Variants in CDH8 observed in about 807,000 individuals in gnomAD.
The protein encoded by CDH8 is cadherin 8, also known as cadherin-8.
Under a neutral mutation model 68.1 loss-of-function variants are expected in CDH8, and 17 were observed. The observed-to-expected ratio is 0.25, with a 90% CI of 0.17 to 0.37. The LOEUF (loss-of-function observed/expected upper bound fraction) is 0.37. CDH8 is among the 10% of genes least tolerant of loss of function. The probability of loss-of-function intolerance (pLI) is 1.00; values close to 1 mark genes in which losing one functional copy is unlikely to be tolerated. For synonymous variants in CDH8, 372 were observed against 365.1 expected, an observed-to-expected ratio of 1.02 and a Z score of -0.21; for missense variants, 763 against 999.3, an observed-to-expected ratio of 0.76 and a Z score of 3.19.
At chr16:61,834,835 C>T (rs1407255638) in intron 4 of CDH8, among the ~76,000 whole-genome samples, 1 of 151,858 alleles carries the variant, frequency 6.6e-6, no homozygotes, top group Non-Finnish European at 1.5e-5. Context: ...AATATATTAT[C>T]ACATGAATAT....
chr16:61,707,213 A>T (rs1310095000), intron 10 of CDH8, among the ~76,000 whole-genome samples: 1 of 152,196 alleles, frequency 6.6e-6, no homozygotes, highest in Non-Finnish European at 1.5e-5. Context: ...CAAGAGGTTC[A>T]TTAAATTTTA....
intron 8 of CDH8, among the ~76,000 whole-genome samples, chr16:61,778,257 T>G (rs758306986): frequency 2.6e-5 from 4 of 152,126 alleles, no homozygotes; most frequent in Admixed American, 6.6e-5. Context: ...TCGCTCTATG[T>G]CATAGGCAAT....
intron 5 of CDH8, among the ~76,000 whole-genome samples, 186 bp downstream of exon 5, chr16:61,824,826 T>C (rs1962292778): frequency 6.6e-6 from 1 of 151,952 alleles, no homozygotes; most frequent in African/African-American, 2.4e-5. Context: ...TATTTGGAAA[T>C]GGTATCAACT....
intron 8 of CDH8, among the ~76,000 whole-genome samples, chr16:61,729,470 T>C (rs1357907455): frequency 6.6e-6 from 1 of 151,268 alleles, no homozygotes; most frequent in East Asian, 1.9e-4. Flanking sequence ...AGAATTGCAC[T>C]CGTAATCTGC....
At chr16:61,862,755 A>G (rs984449827) in intron 3 of CDH8, among the ~76,000 whole-genome samples, 16 of 152,304 alleles carry the variant, frequency 1.1e-4, no homozygotes, top group African/African-American at 2.9e-4. Context: ...CTCCATGGAT[A>G]TGCATACAGA....
intron 10 of CDH8, among the ~76,000 whole-genome samples, chr16:61,679,977 G>T (rs1336753771): frequency 6.6e-6 from 1 of 151,948 alleles, no homozygotes; most frequent in Non-Finnish European, 1.5e-5. Flanking sequence ...TGAATTTTGT[G>T]TTCTGTGAAT....
chr16:61,664,395 A>G (rs1239941110), intron 10 of CDH8, among the ~76,000 whole-genome samples: 2 of 152,040 alleles, frequency 1.3e-5, no homozygotes, highest in South Asian at 2.1e-4. Context: ...CCAATTGCAG[A>G]TGCATAATGA....
chr16:61,930,895 T>C (rs890104114), intron 2 of CDH8, among the ~76,000 whole-genome samples: 1 of 152,336 alleles, frequency 6.6e-6, no homozygotes, highest in Admixed American at 6.5e-5. Context: ...CGTGTTATTC[T>C]TCAATGTGTA....
At chr16:61,840,150 TG>T (rs1962651786) in intron 4 of CDH8, among the ~76,000 whole-genome samples, 1 of 152,164 alleles carries the variant, frequency 6.6e-6, no homozygotes, top group Non-Finnish European at 1.5e-5. Flanking sequence ...CATCTTTCCA[TG>T]TTGCAACAGA....
At chr16:61,655,370 G>T in intron 11 of CDH8, 100 bp downstream of exon 11, 1 of 1,174,902 alleles carries the variant, frequency 8.5e-7, no homozygotes, top group Non-Finnish European at 1.2e-6. Context: ...TTCCCCAACG[G>T]AATGCTCTTG....
chr16:61,737,951 T>G (rs1174599559), intron 8 of CDH8, among the ~76,000 whole-genome samples: 1 of 152,168 alleles, frequency 6.6e-6, no homozygotes, highest in Non-Finnish European at 1.5e-5. Context: ...AGTAGTCACT[T>G]TATTTCACTC....
Position 61,650,208 on chromosome 16 carries a change from C to G in CDH8, c.*3400G>C, listed in dbSNP as rs1265780597. 1 of 152,002 alleles carries G rather than the reference C, an allele frequency of 6.6e-6. No individual in the cohort carries two copies. The highest frequency in any genetic ancestry group is 1.5e-5 in the Non-Finnish European group (1 of 67,984). The allele number at this position is 152,002 out of a possible 1,614,324, so 9.4% of individuals were successfully genotyped here. On this transcript the variant is annotated 3_prime_UTR_variant, in exon 12 of 12. Transcript: ENST00000577390. ...TAAAAATATTGTTAAGAAATGCCCC[C>G]CTTAATACTCTTTAATATTCATATA...
Position 61,789,449 on chromosome 16 carries a change from C to T in CDH8, c.1311G>A (p.Arg437=), listed in dbSNP as rs749684695. The T allele has an allele frequency of 1.5e-5, 25 of 1,612,912 alleles. 1 individual carries two copies. The South Asian group carries it at 2.5e-4, about 16-fold the overall frequency. Residue 437 remains arginine (R), a synonymous_variant, in exon 8 of 12, where the codon AGG becomes AGA. Coordinates refer to ENST00000577390, the MANE Select transcript of CDH8 (RefSeq NM_001796.5). Reference sequence around the variant, plus strand: ...CATCGTCTGCATTAATGTTGAACTGCCTCTCCAGGTCAGTGTGCCGGTCGA... The same window carrying T: ...CATCGTCTGCATTAATGTTGAACTGTCTCTCCAGGTCAGTGTGCCGGTCGA... ...FSIDRHTDLE[R]QFNINADDGK...
In CDH8 at chr16:61,728,252, A is replaced by ATT. The variant is rs5817307; in HGVS notation, c.1415-1039_1415-1038dup. On this transcript the variant is annotated intron_variant, in intron 8 of 11. Transcript: ENST00000577390. ...TTACATTTGGAGCTCTAAAATACTC[A>ATT]TTTTTTTTTTTTGGTTAAAGATAAA... Among the ~76,000 whole-genome samples the ATT allele has an allele frequency of 6.5e-3, 954 of 147,072 alleles. 6 individuals carry two copies. Among genetic ancestry groups the ATT allele is most frequent in the African/African-American group, 0.018 (743 of 40,342 alleles).
chr16:61,682,753 C>A (rs1046186833), intron 10 of CDH8, among the ~76,000 whole-genome samples: 3 of 151,926 alleles, frequency 2.0e-5, no homozygotes, highest in African/African-American at 7.2e-5. Context: ...TTGCAATTAT[C>A]TTGCTTGATT....
At chr16:61,972,569 T>TGGGGG (rs10629724) in intron 2 of CDH8, among the ~76,000 whole-genome samples, 8 of 98,190 alleles carry the variant, frequency 8.1e-5, no homozygotes, top group African/African-American at 1.3e-4. Flanking sequence ...GAACACATTG[T>TGGGGG]GGGTGTGTGT....
intron 10 of CDH8, among the ~76,000 whole-genome samples, chr16:61,674,898 T>C (rs1289108398): frequency 6.6e-6 from 1 of 151,262 alleles, no homozygotes; most frequent in East Asian, 1.9e-4. Context: ...TTTGAAGACA[T>C]TGCAATAGCA....
chr16:61,666,744 A>G (rs1963686910), intron 10 of CDH8, among the ~76,000 whole-genome samples: 1 of 151,936 alleles, frequency 6.6e-6, no homozygotes, highest in South Asian at 2.1e-4. Context: ...AAAGAAAAAA[A>G]TGCCACTGTG....
chr16:61,748,582 G>GA (rs1009006528), intron 8 of CDH8, among the ~76,000 whole-genome samples: 8 of 149,778 alleles, frequency 5.3e-5, no homozygotes, highest in Non-Finnish European at 7.4e-5. Context: ...ACTAGGTAAA[G>GA]AAAAAAAAAG....
Sources: gnomAD v4.1 joint callset for allele counts (sites outside exome capture counted in the v4.1 genomes callset) on GRCh38, gnomAD v4.1.1 for gene constraint, MANE v1.5 for transcripts, NCBI Gene and HGNC (gene_info 2026-07-23, HGNC 2026-07-21) for gene names.